KCNU1: variants seen among roughly 807,000 people sequenced by gnomAD.
The protein encoded by KCNU1 is potassium channel subfamily U member 1.
A neutral mutation model predicts 126.8 loss-of-function variants in KCNU1; 93 were observed. The ratio of observed to expected loss-of-function variants is 0.73; its 90% CI spans 0.62 to 0.87. The LOEUF (loss-of-function observed/expected upper bound fraction) is 0.87. KCNU1 is among the 40% of genes least tolerant of loss of function. KCNU1 has a pLI of 0.00. For synonymous variants in KCNU1, 523 were observed against 494.2 expected (o/e 1.06, Z -0.77); for missense variants, 1,330 against 1,367.1 (o/e 0.97, Z 0.43).
At chr8:36,865,819 A>G (rs533906950) in intron 19 of KCNU1, among the ~76,000 whole-genome samples, 1 of 151,526 alleles carries the variant, frequency 6.6e-6, no homozygotes, top group East Asian at 1.9e-4. Context: ...AGGAAATGTC[A>G]TACACACACA....
chr8:36,865,633 A>G (rs969415209), intron 19 of KCNU1, among the ~76,000 whole-genome samples: 6 of 151,230 alleles, frequency 4.0e-5, no homozygotes, highest in Admixed American at 6.6e-5. Context: ...AAAATGAGCC[A>G]GGCCTGGTGG....
intron 19 of KCNU1, among the ~76,000 whole-genome samples, chr8:36,904,870 G>A (rs1054208020): frequency 6.6e-6 from 1 of 152,130 alleles, no homozygotes; most frequent in African/African-American, 2.4e-5. Flanking sequence ...GTGTAGGTGA[G>A]AAGAAGTAAG....
intron 19 of KCNU1, among the ~76,000 whole-genome samples, chr8:36,875,412 A>G (rs988588526): frequency 1.1e-4 from 16 of 148,980 alleles, no homozygotes; most frequent in Admixed American, 2.7e-4. Context: ...TGTTTTATAT[A>G]TGTTATTATA....
intron 22 of KCNU1, among the ~76,000 whole-genome samples, chr8:36,914,960 G>A (rs143788007): frequency 7.5e-4 from 114 of 152,276 alleles, no homozygotes; most frequent in African/African-American, 2.6e-3. Flanking sequence ...ATGTACCCAG[G>A]CTATGATCTG....
chr8:36,897,536 C>A (rs954223928), intron 19 of KCNU1, among the ~76,000 whole-genome samples: 5 of 152,016 alleles, frequency 3.3e-5, no homozygotes, highest in African/African-American at 9.7e-5. Flanking sequence ...GAATTAATGA[C>A]CTTTAGAAAC....
chr8:36,793,933 A>G (rs1802995811), intron 2 of KCNU1, among the ~76,000 whole-genome samples: 1 of 151,956 alleles, frequency 6.6e-6, no homozygotes, highest in African/African-American at 2.4e-5. Context: ...GCTCGCCTGT[A>G]ATCCCAGCTA....
intron 19 of KCNU1, among the ~76,000 whole-genome samples, chr8:36,872,382 A>G (rs1370139583): frequency 6.6e-6 from 1 of 152,080 alleles, no homozygotes; most frequent in African/African-American, 2.4e-5. Context: ...ATGCTATGCT[A>G]TGTTAGCTTT....
At chr8:36,822,566 G>A (rs1012218654) in intron 10 of KCNU1, among the ~76,000 whole-genome samples, 1 of 151,956 alleles carries the variant, frequency 6.6e-6, no homozygotes, top group Non-Finnish European at 1.5e-5. Context: ...TTCTTTCTTT[G>A]GTTACTTGTT....
rs956885765 is a variant in KCNU1, at chr8:36,911,217, G to A, written c.2521+98G>A. ...GTATTTTAATTATGGGGAGCAGGAGGGTGGGCCAGATGTCCTCTGAGGTCC... is the reference window on the plus strand; with the variant it reads ...GTATTTTAATTATGGGGAGCAGGAGAGTGGGCCAGATGTCCTCTGAGGTCC... On this transcript the variant is annotated intron_variant, in intron 22 of 26. Coordinates refer to ENST00000399881, the MANE Select transcript of KCNU1 (RefSeq NM_001031836.3). 11 of 1,012,246 alleles carry A rather than the reference G, an allele frequency of 1.1e-5. No homozygotes were observed. The African/African-American group carries it at 1.5e-4, about 13-fold the overall frequency. 62.7% of individuals were successfully genotyped at this position (1,012,246 alleles called of 1,614,324 possible).
At position 36,817,642 on chromosome 8, in the gene KCNU1, C is replaced by T. The variant is rs1168632452; in HGVS notation, c.996-8C>T. The stretch of plus-strand genomic sequence containing the variant: ...GGATGATCCACCTCACCTGTTTTTG[C>T]TGCCTAGGTTTATTGTGGTCTGTGG... On this transcript the variant is annotated splice_region_variant and splice_polypyrimidine_tract_variant and intron_variant, in intron 9 of 26. Transcript: ENST00000399881. 18 of 1,543,998 alleles carry T rather than the reference C, an allele frequency of 1.2e-5. No homozygotes were observed. The highest frequency in any genetic ancestry group is 1.6e-5 in the Non-Finnish European group (18 of 1,117,360).
chr8:36,815,649 G>A lies in KCNU1; in HGVS notation c.957G>A (p.Arg319=). Residue 319 remains arginine, a synonymous_variant, in exon 9 of 27, where the codon AGG becomes AGA. Transcript: ENST00000399881. The part of the protein sequence containing the change: ...PEMVELFANK[R]KYTSSYEALK... ...TGGTGGAACTGTTTGCTAACAAGAG[G>A]AAATACACCAGTTCCTATGAAGCAC... The A allele has an allele frequency of 1.3e-6, 2 of 1,595,468 alleles. No homozygotes were observed. Among genetic ancestry groups the A allele is most frequent in the Non-Finnish European group, 1.7e-6 (2 of 1,170,558 alleles).
rs113328498 is a variant in KCNU1, at chr8:36,841,211, G to T, written c.1703+208G>T. 2.4e-3 allele frequency among the ~76,000 whole-genome samples: 363 copies of T among 151,946 alleles called. 11 individuals carry two copies. The highest frequency in any genetic ancestry group is 8.3e-3 in the African/African-American group (345 of 41,422). On this transcript the variant is annotated intron_variant, in intron 16 of 26. Transcript: ENST00000399881. ...CTCAGGTTAGGGTGGTGACCCTCTT[G>T]GGCAAACACTTCTCTTTTGTTCCTC...
At chr8:36,817,791 A>T (rs751116457) in intron 10 of KCNU1, 31 bp downstream of exon 10, 4 of 1,035,208 alleles carry the variant, frequency 3.9e-6, no homozygotes, top group Non-Finnish European at 6.1e-6. Context: ...CATGGGTTCT[A>T]AATTAATACT....
intron 22 of KCNU1, among the ~76,000 whole-genome samples, chr8:36,918,371 A>C (rs1563335689): frequency 6.6e-6 from 1 of 151,884 alleles, no homozygotes; most frequent in Admixed American, 6.6e-5. Context: ...GCAAGACCCC[A>C]TCTCTGCAAA....
intron 19 of KCNU1, among the ~76,000 whole-genome samples, chr8:36,904,523 A>G (rs1470833181): frequency 1.3e-5 from 2 of 152,186 alleles, no homozygotes; most frequent in Non-Finnish European, 2.9e-5. Flanking sequence ...TATCCATAAA[A>G]TAAGGGTGGG....
intron 9 of KCNU1, among the ~76,000 whole-genome samples, chr8:36,816,626 C>G (rs2130470778): frequency 6.7e-6 from 1 of 148,594 alleles, no homozygotes; most frequent in Admixed American, 6.9e-5. Flanking sequence ...CATACTAAAT[C>G]AGTCAATAGG....
At position 36,899,878 on chromosome 8, in the gene KCNU1, G is replaced by A. The variant is rs376120690; in HGVS notation, c.2010-5830G>A. On this transcript the variant is annotated intron_variant, in intron 19 of 26. Coordinates refer to ENST00000399881, the MANE Select transcript of KCNU1 (RefSeq NM_001031836.3). The stretch of plus-strand genomic sequence containing the variant: ...TTTCAAATTAGCACAAACAAGTATC[G>A]CCATTTGGGCAACAGAGTGACCAGT... Among the ~76,000 whole-genome samples the A allele has an allele frequency of 3.0e-4, 46 of 152,140 alleles. 1 individual carries two copies. Among genetic ancestry groups the A allele is most frequent in the African/African-American group, 1.0e-3 (42 of 41,510 alleles).
chr8:36,809,291 A>G (rs1563268259), intron 7 of KCNU1, among the ~76,000 whole-genome samples: 1 of 152,146 alleles, frequency 6.6e-6, no homozygotes, highest in Non-Finnish European at 1.5e-5. Flanking sequence ...ATCCCACATA[A>G]TGAGAAATCT....
chr8:36,890,017 T>C (rs1436163623), intron 19 of KCNU1, among the ~76,000 whole-genome samples: 1 of 151,984 alleles, frequency 6.6e-6, no homozygotes, highest in Non-Finnish European at 1.5e-5. Flanking sequence ...TGCAGTAAAA[T>C]TTTTCTTCAA....
Sources: allele counts gnomAD v4.1 joint callset (sites outside exome capture counted in the v4.1 genomes callset), GRCh38; gene constraint gnomAD v4.1.1; transcripts MANE v1.5; gene names NCBI Gene and HGNC (gene_info 2026-07-23, HGNC 2026-07-21).